Variants in TOPAZ1 observed in about 807,000 individuals in gnomAD.
TOPAZ1 encodes the protein protein TOPAZ1.
TOPAZ1 carries 66 observed loss-of-function variants against 172.2 expected under a neutral mutation model. That is an observed-to-expected ratio of 0.38 (90% confidence interval 0.31 to 0.47). The LOEUF (loss-of-function observed/expected upper bound fraction) is 0.47, where lower values mean the gene tolerates loss of function less well. Ranked by LOEUF, TOPAZ1 falls within the 20% of genes least tolerant of loss-of-function variation. The pLI is 0.99. For synonymous variants in TOPAZ1, 681 were observed against 683.9 expected (o/e 1.00, Z 0.07); for missense variants, 1,822 against 1,972.4 (o/e 0.92, Z 1.44).
chr3:44,253,094 T>C (rs1304153692), intron 2 of TOPAZ1, among the ~76,000 whole-genome samples: 2 of 152,302 alleles, frequency 1.3e-5, no homozygotes, highest in East Asian at 3.9e-4. Context: ...CTACAGAATG[T>C]GCAAAAGCTG....
chr3:44,309,686 AAG>A, intron 15 of TOPAZ1, 137 bp from the exon 16 acceptor site: 2 of 638,562 alleles, frequency 3.1e-6, no homozygotes, highest in Non-Finnish European at 5.4e-6. Context: ...GGCTTAAGGA[AAG>A]AGTCTTGGAG....
chr3:44,317,219 G>A (rs1405584663), intron 16 of TOPAZ1, among the ~76,000 whole-genome samples: 3 of 152,136 alleles, frequency 2.0e-5, no homozygotes, highest in East Asian at 3.9e-4. Context: ...TCAGGAGTTC[G>A]AGACCAGCCT....
At chr3:44,255,507 C>T (rs1264502788) in intron 3 of TOPAZ1, among the ~76,000 whole-genome samples, 1 of 151,790 alleles carries the variant, frequency 6.6e-6, no homozygotes, top group African/African-American at 2.4e-5. Flanking sequence ...AAAAAATTAG[C>T]CGGGCGTGGT....
chr3:44,262,770 G>C, intron 5 of TOPAZ1, among the ~76,000 whole-genome samples: 1 of 152,188 alleles, frequency 6.6e-6, no homozygotes, highest in East Asian at 1.9e-4. Context: ...ATGAAGATAT[G>C]AGTGGCTGAA....
At chr3:44,300,420 G>T (rs558077090) in intron 12 of TOPAZ1, among the ~76,000 whole-genome samples, 6 of 124,462 alleles carry the variant, frequency 4.8e-5, no homozygotes, top group Non-Finnish European at 1.8e-5. Context: ...AGAGTGAGAC[G>T]TCTTAAAAAA....
At chr3:44,245,339 C>T (rs1038782158) in intron 2 of TOPAZ1, 68 bp downstream of exon 2, 27 of 1,414,568 alleles carry the variant, frequency 1.9e-5, no homozygotes, top group Middle Eastern at 2.1e-4. Flanking sequence ...TCTTAAGTTT[C>T]ACTAATGTAT....
In TOPAZ1 at chr3:44,310,319, C is replaced by T. The variant is rs1270604791; in HGVS notation, c.4306+329C>T. 5.3e-5 allele frequency among the ~76,000 whole-genome samples: 8 copies of T among 152,210 alleles called. No individual in the cohort carries two copies. In the East Asian group the frequency reaches 5.8e-4, roughly 11 times the overall value. On this transcript the variant is annotated intron_variant, in intron 16 of 19. Coordinates refer to ENST00000309765, the MANE Select transcript of TOPAZ1 (RefSeq NM_001145030.2). ...TTTGAGACCAGCCTGACCAACATGA[C>T]GAAACCCTGTCTCTACTAAAAGTAC...
At chr3:44,275,567 A>G (rs540126451) in intron 8 of TOPAZ1, among the ~76,000 whole-genome samples, 3 of 152,184 alleles carry the variant, frequency 2.0e-5, no homozygotes, top group East Asian at 1.9e-4. Context: ...TCCATTGTGT[A>G]TATATACCAC....
intron 3 of TOPAZ1, among the ~76,000 whole-genome samples, chr3:44,255,668 TATACACACAC>T (rs1427085851): frequency 7.6e-4 from 23 of 30,312 alleles, no homozygotes; most frequent in Non-Finnish European, 1.3e-3. Flanking sequence ...AAAAAATATA[TATACACACAC>T]ACACACACAC....
chr3:44,254,647 AAGAG>A (rs1210068843), intron 2 of TOPAZ1, among the ~76,000 whole-genome samples: 1 of 133,384 alleles, frequency 7.5e-6, no homozygotes, highest in Admixed American at 7.5e-5. Context: ...AAAAAAAAAA[AAGAG>A]TAGAAGTTAA....
intron 8 of TOPAZ1, among the ~76,000 whole-genome samples, chr3:44,275,146 C>G (rs1332042422): frequency 6.6e-6 from 1 of 151,886 alleles, no homozygotes; most frequent in Non-Finnish European, 1.5e-5. Flanking sequence ...TCATAATGAT[C>G]AATCAAGTCA....
rs1700092541 is a variant in TOPAZ1 at position 44,287,475 on chromosome 3, C to A, written c.3523C>A (p.Leu1175Ile). The A allele has an allele frequency of 1.3e-6, 2 of 1,529,754 alleles. No individual in the cohort carries two copies. Among genetic ancestry groups the A allele is most frequent in the South Asian group, 2.5e-5 (2 of 79,130 alleles). The allele number at this position is 1,529,754 out of a possible 1,614,324, so 94.8% of individuals were successfully genotyped here. The change falls in exon 10 of 20, where the codon CTC becomes ATC. Residue 1175 changes from leucine to isoleucine, a missense_variant. Around this residue, in one of 2 missense-constraint regions of TOPAZ1, gnomAD observed 1,489 missense variants for 1,490.8 expected, o/e 1.00. Transcript: ENST00000309765. ...QVLNDLLNSL[L>I]KHCLLKEVFQ... ...GCTAAATGACCTTCTAAATTCTTTA[C>A]TCAAACATTGTTTGTTGAAAGAAGT...
rs901171292 is a variant in TOPAZ1, at chr3:44,323,075, C to G, written c.4472-17C>G. ...TTAATATAAATGAATTTTATTATAT[C>G]ATTTTTTTTATTCCAGAAACTGTGG... is the stretch of plus-strand genomic sequence containing the variant. On this transcript the variant is annotated splice_polypyrimidine_tract_variant and intron_variant, in intron 17 of 19. Coordinates refer to ENST00000309765, the MANE Select transcript of TOPAZ1 (RefSeq NM_001145030.2). The G allele has an allele frequency of 4.1e-6, 6 of 1,471,958 alleles. No individual in the cohort carries two copies. Among genetic ancestry groups the G allele is most frequent in the Non-Finnish European group, 5.5e-6 (6 of 1,099,598 alleles). 91.2% of individuals were successfully genotyped at this position (1,471,958 alleles called of 1,614,324 possible). A position where few individuals can be genotyped will look rare whatever the true frequency, so the allele number is the denominator to read the frequency against.
At chr3:44,253,012 C>G (rs1022281158) in intron 2 of TOPAZ1, among the ~76,000 whole-genome samples, 7 of 152,144 alleles carry the variant, frequency 4.6e-5, no homozygotes, top group African/African-American at 1.7e-4. Context: ...TAGGAATTAG[C>G]TAATTGTTGA....
chr3:44,284,249 G>A (rs2171573), intron 9 of TOPAZ1, among the ~76,000 whole-genome samples: 27,963 of 152,076 alleles, frequency 0.18, 2,791 homozygotes, highest in Middle Eastern at 0.3. Flanking sequence ...CAGAAATGCC[G>A]TATGCATTAA....
chr3:44,290,638 T>C (rs1700126752), intron 11 of TOPAZ1, 133 bp from the exon 12 acceptor site: 1 of 592,798 alleles, frequency 1.7e-6, no homozygotes, highest in Non-Finnish European at 3.0e-6. Context: ...CTCAATTTTT[T>C]TAAATGAGTT....
At chr3:44,279,832 G>A (rs1007221927) in intron 8 of TOPAZ1, among the ~76,000 whole-genome samples, 1 of 152,002 alleles carries the variant, frequency 6.6e-6, no homozygotes, top group African/African-American at 2.4e-5. Flanking sequence ...TGATGTGTGA[G>A]GGCTTATTCC....
intron 12 of TOPAZ1, among the ~76,000 whole-genome samples, chr3:44,297,169 C>CAA (rs35773194): frequency 0.49 from 66,273 of 134,998 alleles, 16,086 homozygotes; most frequent in East Asian, 0.8. Context: ...AAGTCTGTCT[C>CAA]AAAAAAAAAA....
intron 18 of TOPAZ1, among the ~76,000 whole-genome samples, chr3:44,325,666 C>A (rs896599141): frequency 2.0e-5 from 3 of 149,368 alleles, no homozygotes; most frequent in Non-Finnish European, 3.0e-5. Flanking sequence ...TTCTTGGAGA[C>A]GGAGTCTCCC....
Sources: gnomAD v4.1 joint callset for allele counts (sites outside exome capture counted in the v4.1 genomes callset) on GRCh38, gnomAD v4.1.1 for gene constraint, gnomAD v4.1.1 regional missense constraint, MANE v1.5 for transcripts, NCBI Gene and HGNC (gene_info 2026-07-23, HGNC 2026-07-21) for gene names.